JADE3: variants seen among roughly 807,000 people sequenced by gnomAD.
JADE3 encodes protein Jade-3.
Under a neutral mutation model 50.1 loss-of-function variants are expected in JADE3, and 2 were observed. That is an observed-to-expected ratio of 0.04 (90% CI 0.02 to 0.13). The LOEUF is 0.13. Among genes scored for constraint, JADE3 ranks in the 10% least tolerant of loss-of-function variants. JADE3 has a pLI of 1.00. For synonymous variants in JADE3, 218 were observed against 232.9 expected (o/e 0.94, Z 0.58); for missense variants, 475 against 634.4 (o/e 0.75, Z 2.70).
intron 1 of JADE3, among the ~76,000 whole-genome samples, chrX:46,930,299 T>A (rs1256126332): frequency 8.9e-6 from 1 of 111,964 alleles, no homozygotes; most frequent in Admixed American, 9.5e-5. Flanking sequence ...CCATCAGATA[T>A]GTGAGTGAAG....
chrX:46,979,310 G>A (rs1208021471), intron 1 of JADE3, among the ~76,000 whole-genome samples: 1 of 112,265 alleles, frequency 8.9e-6, no homozygotes, highest in African/African-American at 3.2e-5. Flanking sequence ...TATAGAAAAT[G>A]GAGAAACTGT....
intron 4 of JADE3, among the ~76,000 whole-genome samples, chrX:47,021,255 G>C (rs1928786744): frequency 9.0e-6 from 1 of 111,164 alleles, no homozygotes; most frequent in Non-Finnish European, 1.9e-5. Flanking sequence ...TCATCAGTAG[G>C]ATTTTGCCAT....
intron 1 of JADE3, among the ~76,000 whole-genome samples, chrX:46,949,181 T>A (rs1926949429): frequency 9.0e-6 from 1 of 111,058 alleles, no homozygotes; most frequent in Non-Finnish European, 1.9e-5. Context: ...TTAAGTGATC[T>A]GCCTGCCTTG....
intron 1 of JADE3, among the ~76,000 whole-genome samples, chrX:46,939,859 A>G (rs1429435396): frequency 8.9e-6 from 1 of 112,073 alleles, no homozygotes; most frequent in Non-Finnish European, 1.9e-5. Context: ...TGGGCTTTTC[A>G]TTTTTAAATG....
At chrX:47,054,125 T>G (rs1556372821) in intron 8 of JADE3, 33 bp from the exon 9 acceptor site, 1 of 1,020,784 alleles carries the variant, frequency 9.8e-7, no homozygotes, top group Non-Finnish European at 1.3e-6. Flanking sequence ...TTCCTCCAAC[T>G]CTGCTACCTT....
intron 1 of JADE3, among the ~76,000 whole-genome samples, chrX:46,929,029 G>A (rs1260490078): frequency 8.9e-6 from 1 of 112,336 alleles, no homozygotes; most frequent in African/African-American, 3.2e-5. Context: ...GTTGTGAAAA[G>A]TGTGGCTGTA....
chrX:47,013,067 C>T (rs1375840968), intron 4 of JADE3, among the ~76,000 whole-genome samples: 1 of 112,453 alleles, frequency 8.9e-6, no homozygotes, highest in African/African-American at 3.2e-5. Context: ...GCCTGGAATG[C>T]AGTGGCACAA....
intron 5 of JADE3, among the ~76,000 whole-genome samples, chrX:47,027,078 G>A (rs1159246173): frequency 8.9e-6 from 1 of 112,126 alleles, no homozygotes; most frequent in Non-Finnish European, 1.9e-5. Context: ...AAATGAAGTG[G>A]AATACTTGGG....
At chrX:46,930,998 G>A (rs7878144) in intron 1 of JADE3, among the ~76,000 whole-genome samples, 1,667 of 111,752 alleles carry the variant, frequency 0.015, 25 homozygotes, top group African/African-American at 0.052. Context: ...AATGAGGAAA[G>A]GAAGGCCCAG....
At chrX:46,942,981 G>A (rs1381418311) in intron 1 of JADE3, among the ~76,000 whole-genome samples, 1 of 111,700 alleles carries the variant, frequency 9.0e-6, no homozygotes, top group Non-Finnish European at 1.9e-5. Context: ...AAATGGGATT[G>A]CATTCTTGAT....
chrX:46,967,575 G>A (rs182572106), intron 1 of JADE3, among the ~76,000 whole-genome samples: 4 of 111,412 alleles, frequency 3.6e-5, no homozygotes, highest in East Asian at 5.6e-4. Context: ...GATCTCTTTC[G>A]TTAACATTTA....
At chrX:47,041,767 C>G (rs187712312) in intron 8 of JADE3, among the ~76,000 whole-genome samples, 2 of 108,977 alleles carry the variant, frequency 1.8e-5, no homozygotes, top group African/African-American at 6.7e-5. Context: ...CCTCTGCCTC[C>G]TGGGTTCAAG....
intron 4 of JADE3, among the ~76,000 whole-genome samples, chrX:47,004,679 C>T (rs1284195537): frequency 1.8e-5 from 2 of 112,483 alleles, no homozygotes; most frequent in African/African-American, 6.5e-5. Flanking sequence ...GTGATCCTCC[C>T]GCCTCAGCCT....
intron 1 of JADE3, 124 bp from the exon 2 acceptor site, chrX:46,984,760 G>A: frequency 2.0e-6 from 1 of 505,896 alleles, no homozygotes; most frequent in Non-Finnish European, 3.5e-6. Context: ...GAATATTCTT[G>A]ACAAAAATCA....
chrX:46,966,003 G>A (rs1361683842), intron 1 of JADE3, among the ~76,000 whole-genome samples: 1 of 112,271 alleles, frequency 8.9e-6, no homozygotes, highest in African/African-American at 3.2e-5. Flanking sequence ...AACTGCTCTT[G>A]CATTCTAGGT....
At chrX:47,007,983 T>C (rs1292266670) in intron 4 of JADE3, among the ~76,000 whole-genome samples, 1 of 111,040 alleles carries the variant, frequency 9.0e-6, no homozygotes, top group African/African-American at 3.3e-5. Flanking sequence ...TAACATTGAA[T>C]TTGTAATTAA....
intron 1 of JADE3, among the ~76,000 whole-genome samples, chrX:46,928,307 T>C (rs1926414652): frequency 8.9e-6 from 1 of 111,950 alleles, no homozygotes; most frequent in Admixed American, 9.5e-5. Flanking sequence ...ACTCTATTCT[T>C]TTGGATGCCA....
intron 4 of JADE3, among the ~76,000 whole-genome samples, chrX:47,018,216 CCTT>C (rs1465466482): frequency 6.3e-5 from 7 of 111,520 alleles, no homozygotes; most frequent in Admixed American, 3.8e-4. Context: ...CACCCCATCT[CCTT>C]CTTCCCACAC....
intron 4 of JADE3, among the ~76,000 whole-genome samples, chrX:47,012,633 T>G (rs1928586490): frequency 9.1e-6 from 1 of 110,192 alleles, no homozygotes; most frequent in South Asian, 3.9e-4. Context: ...TTTTTTTTTT[T>G]GTTGTTGTTG....
Sources: gnomAD v4.1 joint callset for allele counts (sites outside exome capture counted in the v4.1 genomes callset) on GRCh38, gnomAD v4.1.1 for gene constraint, MANE v1.5 for transcripts, NCBI Gene and HGNC (gene_info 2026-07-23, HGNC 2026-07-21) for gene names.